Variants in CLPB observed in about 807,000 individuals in gnomAD.
CLPB encodes ClpB family mitochondrial disaggregase.
A neutral mutation model predicts 78.4 loss-of-function variants in CLPB; 40 were observed. The observed-to-expected ratio is 0.51, with a 90% CI of 0.40 to 0.66. CLPB has a LOEUF of 0.66. Ranked by LOEUF, CLPB falls within the 30% of genes least tolerant of loss-of-function variation. The probability of loss-of-function intolerance (pLI) is 0.00; values close to 1 mark genes in which losing one functional copy is unlikely to be tolerated. For synonymous variants in CLPB, 333 were observed against 348.0 expected, an observed-to-expected ratio of 0.96 and a Z score of 0.48; for missense variants, 780 against 886.9, an observed-to-expected ratio of 0.88 and a Z score of 1.53.
At chr11:72,400,451 C>G (rs1186180503) in intron 3 of CLPB, among the ~76,000 whole-genome samples, 1 of 152,196 alleles carries the variant, frequency 6.6e-6, no homozygotes, top group Non-Finnish European at 1.5e-5. Flanking sequence ...AAGCCAACAA[C>G]TCATTAGATT....
intron 2 of CLPB, among the ~76,000 whole-genome samples, chr11:72,427,558 T>C (rs754071294): frequency 1.6e-4 from 24 of 152,336 alleles, no homozygotes; most frequent in Admixed American, 3.9e-4. Context: ...AACATCATAG[T>C]GCAACAAATG....
intron 4 of CLPB, among the ~76,000 whole-genome samples, chr11:72,367,124 A>C (rs1950959100): frequency 6.6e-6 from 1 of 152,192 alleles, no homozygotes; most frequent in Non-Finnish European, 1.5e-5. Flanking sequence ...AAGCAAATTA[A>C]CACAAGAACA....
intron 2 of CLPB, among the ~76,000 whole-genome samples, chr11:72,405,051 C>T (rs751758392): frequency 1.3e-5 from 2 of 152,190 alleles, no homozygotes; most frequent in African/African-American, 4.8e-5. Context: ...GGGATGGCCT[C>T]GCTTCTCTGA....
rs1201977185 is a variant in CLPB, at chr11:72,286,823, GT to G, written c.*6543del. 6.6e-6 allele frequency: 1 copy of G among 151,946 alleles called. No individual in the cohort carries two copies. Among genetic ancestry groups the G allele is most frequent in the African/African-American group, 2.4e-5 (1 of 41,340 alleles). The allele number at this position is 151,946 out of a possible 1,614,324, so 9.4% of individuals were successfully genotyped here. A position where few individuals can be genotyped will look rare whatever the true frequency, so the allele number is the denominator to read the frequency against. Reference sequence around the variant, plus strand: ...TCCGTGTGTGTGTGTGTGTGTGTGTGTGTGTGTGTAGTTATCTGAAATACTG... The same window carrying G: ...TCCGTGTGTGTGTGTGTGTGTGTGTGGTGTGTGTAGTTATCTGAAATACTG... On this transcript the variant is annotated 3_prime_UTR_variant, in exon 16 of 16. Coordinates refer to ENST00000538039, the MANE Select transcript of CLPB (RefSeq NM_001258392.3).
intron 3 of CLPB, among the ~76,000 whole-genome samples, chr11:72,391,665 G>A (rs1292051891): frequency 1.3e-5 from 2 of 152,318 alleles, no homozygotes; most frequent in South Asian, 4.1e-4. Context: ...ACTAGGCTGC[G>A]GGTGGTTTAG....
chr11:72,397,359 G>T (rs559783655), intron 3 of CLPB, among the ~76,000 whole-genome samples: 1 of 152,236 alleles, frequency 6.6e-6, no homozygotes, highest in East Asian at 1.9e-4. Context: ...TTTTGCAGAC[G>T]TACATTTTTA....
chr11:72,296,297 G>A (rs565708899), intron 11 of CLPB, among the ~76,000 whole-genome samples: 1 of 152,286 alleles, frequency 6.6e-6, no homozygotes, highest in African/African-American at 2.4e-5. Context: ...TATCTTTGGA[G>A]CTGCCGCCTG....
intron 11 of CLPB, among the ~76,000 whole-genome samples, chr11:72,301,220 A>G (rs1163478669): frequency 2.0e-5 from 3 of 152,220 alleles, no homozygotes; most frequent in African/African-American, 7.2e-5. Context: ...ACTTACCCCT[A>G]CGAGCAGGGG....
chr11:72,294,415 T>C lies in CLPB; in HGVS notation c.1590A>G (p.Gly530=). 6.2e-7 allele frequency: 1 copy of C among 1,614,114 alleles called. No individual in the cohort carries two copies. The highest frequency in any genetic ancestry group is 8.5e-7 in the Non-Finnish European group (1 of 1,180,034). The change falls in exon 14 of 16, where the codon GGA becomes GGG. Residue 530 remains glycine (G), a synonymous_variant. Coordinates refer to ENST00000538039, the MANE Select transcript of CLPB (RefSeq NM_001258392.3). ...KAHFRRDEFL[G]RINEIVYFLP... is the part of the protein sequence containing the mutation. ...GGAAGTAGACGATCTCATTGATCCG[T>C]CCCAGAAACTCATCCCTCCGGAAGT...
intron 4 of CLPB, among the ~76,000 whole-genome samples, chr11:72,375,793 A>T (rs1362507507): frequency 3.9e-5 from 6 of 152,240 alleles, no homozygotes; most frequent in Non-Finnish European, 7.3e-5. Context: ...GATACTCGGT[A>T]AGAACACGCT....
intron 3 of CLPB, among the ~76,000 whole-genome samples, chr11:72,381,956 T>C (rs573838188): frequency 1.3e-5 from 2 of 152,228 alleles, no homozygotes; most frequent in African/African-American, 4.8e-5. Flanking sequence ...GACTCCAGGA[T>C]AGCCCTCATG....
intron 6 of CLPB, among the ~76,000 whole-genome samples, chr11:72,323,560 C>T (rs1354304425): frequency 3.2e-5 from 4 of 125,158 alleles, no homozygotes; most frequent in African/African-American, 1.2e-4. Flanking sequence ...AGCGAGACTC[C>T]ATCTCAAAAA....
chr11:72,309,807 T>A (rs1949812174), intron 7 of CLPB, among the ~76,000 whole-genome samples: 1 of 152,116 alleles, frequency 6.6e-6, no homozygotes, highest in Non-Finnish European at 1.5e-5. Flanking sequence ...TCTGATCTGG[T>A]CCCCAGGGTG....
chr11:72,313,455 G>A (rs531080010), intron 7 of CLPB, among the ~76,000 whole-genome samples: 10 of 152,342 alleles, frequency 6.6e-5, no homozygotes, highest in African/African-American at 9.6e-5. Flanking sequence ...AACATTGTGC[G>A]TGAGCTCAGG....
Position 72,402,998 on chromosome 11 carries a change from T to C in CLPB, c.510A>G (p.Ala170=). 1 of 1,613,842 alleles carries C rather than the reference T, an allele frequency of 6.2e-7. No individual in the cohort carries two copies. Among genetic ancestry groups the C allele is most frequent in the South Asian group, 1.1e-5 (1 of 91,054 alleles). ...VNAKHRLGWT[A]LMVAAINRNN... ...TTCGGTTGATGGCTGCCACCATGAG[T>C]GCTGTCCAGCCAAGTCTGTGCTTTG... is the stretch of plus-strand genomic sequence containing the variant. The change falls in exon 3 of 16, where the codon GCA becomes GCG. Residue 170 remains alanine, a synonymous_variant. Coordinates refer to ENST00000538039, the MANE Select transcript of CLPB (RefSeq NM_001258392.3).
At chr11:72,407,365 T>C (rs529835604) in intron 2 of CLPB, among the ~76,000 whole-genome samples, 58 of 152,316 alleles carry the variant, frequency 3.8e-4, no homozygotes, top group African/African-American at 1.3e-3. Flanking sequence ...GTCTAATGGG[T>C]GGGTGTAAAG....
intron 5 of CLPB, among the ~76,000 whole-genome samples, chr11:72,353,956 G>A (rs1950660467): frequency 6.6e-6 from 1 of 152,108 alleles, no homozygotes; most frequent in Non-Finnish European, 1.5e-5. Flanking sequence ...AGTGAGCACT[G>A]AGTGTTTCTG....
intron 1 of CLPB, among the ~76,000 whole-genome samples, chr11:72,433,668 A>G (rs1380539098): frequency 1.3e-5 from 2 of 151,640 alleles, no homozygotes; most frequent in African/African-American, 2.4e-5. Flanking sequence ...GGTAGGGGGG[A>G]GCGGTTTGGC....
At chr11:72,405,095 G>C (rs1405544169) in intron 2 of CLPB, among the ~76,000 whole-genome samples, 1 of 152,192 alleles carries the variant, frequency 6.6e-6, no homozygotes, top group Non-Finnish European at 1.5e-5. Context: ...ATCAGGATAG[G>C]CTGAAGAAAA....
Sources: allele counts gnomAD v4.1 joint callset (sites outside exome capture counted in the v4.1 genomes callset), GRCh38; gene constraint gnomAD v4.1.1; transcripts MANE v1.5; gene names NCBI Gene and HGNC (gene_info 2026-07-23, HGNC 2026-07-21).